The following PI4KA variants were observed in gnomAD, a reference collection of about 807,000 sequenced individuals.
The protein encoded by PI4KA is phosphatidylinositol 4-kinase alpha, also known as PI4-kinase alpha.
Under a neutral mutation model 271.4 loss-of-function variants are expected in PI4KA, and 122 were observed. The ratio of observed to expected loss-of-function variants is 0.45; its 90% CI spans 0.39 to 0.52. The LOEUF (loss-of-function observed/expected upper bound fraction) is 0.52, where lower values mean the gene tolerates loss of function less well. Ranked by LOEUF, PI4KA falls within the 20% of genes least tolerant of loss-of-function variation. The pLI is 0.00. For synonymous variants in PI4KA, 1,041 were observed against 1,078.8 expected, an observed-to-expected ratio of 0.96 and a Z score of 0.69; for missense variants, 1,969 against 2,769.1, an observed-to-expected ratio of 0.71 and a Z score of 6.48.
intron 36 of PI4KA, 76 bp downstream of exon 36, chr22:20,732,895 G>A: frequency 1.3e-6 from 2 of 1,572,444 alleles, no homozygotes; most frequent in South Asian, 1.1e-5. Flanking sequence ...CCTACCTCTG[G>A]CACCCTCGGG....
chr22:20,777,748 G>A (rs1034706429), intron 19 of PI4KA, among the ~76,000 whole-genome samples: 2 of 152,168 alleles, frequency 1.3e-5, no homozygotes, highest in Admixed American at 6.5e-5. Flanking sequence ...GCAAAACATG[G>A]AATCATCAAA....
chr22:20,784,998 C>T lies in PI4KA; in HGVS notation c.2328+8195G>A, dbSNP rs144580727. On this transcript the variant is annotated intron_variant, in intron 19 of 54. Coordinates refer to ENST00000255882, the MANE Select transcript of PI4KA (RefSeq NM_058004.4). ...TGCTCTGTGAATTTTTCCTTAACAA[C>T]GTCCCTTCTGTACCTGCCTCCTTCC... Among the ~76,000 whole-genome samples, 11 of 152,070 alleles carry T rather than the reference C, an allele frequency of 7.2e-5. No individual in the cohort carries two copies. In the East Asian group the frequency reaches 1.4e-3, roughly 19 times the overall value.
At chr22:20,800,799 A>G (rs1339354248) in intron 14 of PI4KA, among the ~76,000 whole-genome samples, 22 of 148,808 alleles carry the variant, frequency 1.5e-4, no homozygotes, top group African/African-American at 4.9e-4. Context: ...GCGTGAACCC[A>G]GGAGGCGGAG....
In PI4KA at chr22:20,839,755, G is replaced by A. The variant is rs566733180; in HGVS notation, c.157-1024C>T. Among the ~76,000 whole-genome samples, 4 of 152,204 alleles carry A rather than the reference G, an allele frequency of 2.6e-5. No homozygotes were observed. The South Asian group carries it at 6.2e-4, about 24-fold the overall frequency. On this transcript the variant is annotated intron_variant, in intron 1 of 54. Transcript: ENST00000255882. ...TGAGGCAGGAGAATTGCTTGAACCC[G>A]GAAGGCGGAGGTTGCAGAGAGCCGA...
chr22:20,854,717 G>C (rs1353413981), intron 1 of PI4KA, among the ~76,000 whole-genome samples: 1 of 151,968 alleles, frequency 6.6e-6, no homozygotes, highest in African/African-American at 2.4e-5. Context: ...CAGGAAGAAA[G>C]AAGAGAAAAA....
In PI4KA at chr22:20,770,038, C is replaced by T. The variant is rs572267950; in HGVS notation, c.2329-4345G>A. On this transcript the variant is annotated intron_variant, in intron 19 of 54. Transcript: ENST00000255882. ...ATTTAGTATTCAATTATTCCAATTT[C>T]TCTGTGTATGTATACATATTTTTTT... Among the ~76,000 whole-genome samples, 3 of 152,232 alleles carry T rather than the reference C, an allele frequency of 2.0e-5. No individual in the cohort carries two copies. The South Asian group carries it at 6.2e-4, about 32-fold the overall frequency.
chr22:20,811,798 G>T (rs2147653339), intron 8 of PI4KA, among the ~76,000 whole-genome samples: 1 of 152,112 alleles, frequency 6.6e-6, no homozygotes, highest in African/African-American at 2.4e-5. Context: ...CGGATAATGA[G>T]GTCAGGAGAT....
chr22:20,731,830 G>A (rs1288982708), intron 36 of PI4KA, among the ~76,000 whole-genome samples: 3 of 152,204 alleles, frequency 2.0e-5, no homozygotes, highest in African/African-American at 4.8e-5. Flanking sequence ...TTGGGAGGCT[G>A]AAGCAGGAGA....
At position 20,757,290 on chromosome 22, in the gene PI4KA, C is replaced by T. The variant is rs370494311; in HGVS notation, c.2791+4014G>A. Among the ~76,000 whole-genome samples, 28 of 152,228 alleles carry T rather than the reference C, an allele frequency of 1.8e-4. No homozygotes were observed. The East Asian group carries it at 4.4e-3, about 24-fold the overall frequency. On this transcript the variant is annotated intron_variant, in intron 23 of 54. Transcript: ENST00000255882. ...TAGCTGTACATTTACTGGCTAAGTG[C>T]CACGCTCAGAACAAAAATAATCAGT...
intron 9 of PI4KA, 111 bp downstream of exon 9, chr22:20,810,856 A>C: frequency 1.2e-6 from 1 of 827,396 alleles, no homozygotes; most frequent in South Asian, 1.4e-5. Context: ...AAGGAAAGTG[A>C]AAACACTGCA....
intron 51 of PI4KA, 112 bp from the exon 52 acceptor site, chr22:20,710,970 C>T: frequency 8.3e-7 from 1 of 1,198,240 alleles, no homozygotes; most frequent in East Asian, 2.4e-5. Flanking sequence ...CCCCTCCACC[C>T]CCAACAGGCA....
chr22:20,781,169 C>T (rs1350605634), intron 19 of PI4KA, among the ~76,000 whole-genome samples: 1 of 152,196 alleles, frequency 6.6e-6, no homozygotes, highest in Non-Finnish European at 1.5e-5. Flanking sequence ...ACCCATCACA[C>T]ACACATAGGA....
At chr22:20,833,116 C>G (rs905017508) in intron 3 of PI4KA, among the ~76,000 whole-genome samples, 25 of 152,132 alleles carry the variant, frequency 1.6e-4, no homozygotes, top group African/African-American at 6.0e-4. Flanking sequence ...TGATTGGGTT[C>G]AGTCAACTGG....
In PI4KA at chr22:20,799,094, T is replaced by C; in HGVS notation, c.2003A>G (p.Asn668Ser). ...DQLGCLVITG[N>S]QYIYQEVWNL... Reference sequence around the variant, plus strand: ...TGTTCTGGCTCTGGCCTCCCTTACATTTCCGGTGATAACCAGGCAGCCCAG... The same window carrying C: ...TGTTCTGGCTCTGGCCTCCCTTACACTTCCGGTGATAACCAGGCAGCCCAG... Residue 668 changes from asparagine to serine, a missense_variant and splice_region_variant, in exon 16 of 55, where the codon AAT (asparagine) becomes AGT (serine). By Grantham distance (46) the Asn-to-Ser change is conservative. Around this residue, in one of 13 missense-constraint regions of PI4KA, gnomAD observed 228 missense variants for 261.6 expected, o/e 0.87. Transcript: ENST00000255882. 2 of 1,613,128 alleles carry C rather than the reference T, an allele frequency of 1.2e-6. No homozygotes were observed. Among genetic ancestry groups the C allele is most frequent in the Non-Finnish European group, 8.5e-7 (1 of 1,179,620 alleles).
chr22:20,793,516 A>C, intron 18 of PI4KA: 1 of 356,314 alleles, frequency 2.8e-6, no homozygotes, highest in East Asian at 4.9e-5. Flanking sequence ...AGCTATTTAA[A>C]ATACAACTTT....
At chr22:20,730,394 C>T (rs1053961559) in intron 36 of PI4KA, among the ~76,000 whole-genome samples, 6 of 151,984 alleles carry the variant, frequency 3.9e-5, no homozygotes, top group Non-Finnish European at 7.4e-5. Flanking sequence ...CCTGCCTCAG[C>T]CTCCCAAGTA....
At position 20,858,785 on chromosome 22, in the gene PI4KA, C is replaced by A; in HGVS notation, c.-60G>T. 3 of 1,367,954 alleles carry A rather than the reference C, an allele frequency of 2.2e-6. No individual in the cohort carries two copies. Among genetic ancestry groups the A allele is most frequent in the Non-Finnish European group, 2.8e-6 (3 of 1,056,882 alleles). 84.7% of individuals were successfully genotyped at this position (1,367,954 alleles called of 1,614,324 possible). On this transcript the variant is annotated 5_prime_UTR_variant, in exon 1 of 55. Coordinates refer to ENST00000255882, the MANE Select transcript of PI4KA (RefSeq NM_058004.4). ...CCGCTCCTGGCCCGCGAGCGCCCGA[C>A]CTCAGGGCGCAGGCGTAGGTGCATC...
intron 36 of PI4KA, among the ~76,000 whole-genome samples, chr22:20,732,539 C>A (rs2147246994): frequency 6.6e-6 from 1 of 152,328 alleles, no homozygotes; most frequent in East Asian, 1.9e-4. Context: ...TCTGGATGGG[C>A]CAAGTGCCTG....
chr22:20,857,618 G>GA (rs1487246549), intron 1 of PI4KA, among the ~76,000 whole-genome samples: 10 of 152,238 alleles, frequency 6.6e-5, no homozygotes, highest in Non-Finnish European at 1.2e-4. Flanking sequence ...GGTGGGCAAA[G>GA]AAAGTTGACA....
Sources: allele counts gnomAD v4.1 joint callset (sites outside exome capture counted in the v4.1 genomes callset), GRCh38; gene constraint gnomAD v4.1.1; regional missense constraint gnomAD v4.1.1; transcripts MANE v1.5; gene names NCBI Gene and HGNC (gene_info 2026-07-23, HGNC 2026-07-21).